The following DDR2 variants were observed in gnomAD, a reference collection of about 807,000 sequenced individuals.
The protein encoded by DDR2 is discoidin domain receptor tyrosine kinase 2, also known as discoidin domain-containing receptor 2.
Under a neutral mutation model 94.9 loss-of-function variants are expected in DDR2, and 27 were observed. The ratio of observed to expected loss-of-function variants is 0.28; its 90% CI spans 0.21 to 0.39. The LOEUF is 0.39. DDR2 is among the 10% of genes least tolerant of loss of function. DDR2 has a pLI of 1.00. For missense variants in DDR2, 783 were observed against 1,076.0 expected, an observed-to-expected ratio of 0.73 and a Z score of 3.81; for synonymous variants, 382 against 377.2, an observed-to-expected ratio of 1.01 and a Z score of -0.15.
intron 1 of DDR2, among the ~76,000 whole-genome samples, chr1:162,649,592 T>A (rs1338794894): frequency 6.6e-6 from 1 of 152,192 alleles, no homozygotes; most frequent in African/African-American, 2.4e-5. Context: ...ATTTCTCTAC[T>A]CTGCAATAAC....
intron 1 of DDR2, among the ~76,000 whole-genome samples, chr1:162,649,643 C>T (rs766703592): frequency 7.9e-5 from 12 of 152,156 alleles, no homozygotes; most frequent in African/African-American, 1.4e-4. Context: ...GAGAGTAGAG[C>T]GGACAGTGAC....
At chr1:162,767,795 G>A (rs1230820444) in intron 11 of DDR2, among the ~76,000 whole-genome samples, 4 of 66,028 alleles carry the variant, frequency 6.1e-5, no homozygotes, top group Admixed American at 1.6e-4. Context: ...TTTTCACTTT[G>A]CTTGTCTGTT....
intron 3 of DDR2, among the ~76,000 whole-genome samples, chr1:162,741,407 T>C (rs1327290246): frequency 6.7e-6 from 1 of 149,948 alleles, no homozygotes; most frequent in Non-Finnish European, 1.5e-5. Context: ...ATGCTGGTGT[T>C]CAAAAAGCAT....
chr1:162,681,905 T>C (rs1285089203), intron 2 of DDR2, among the ~76,000 whole-genome samples: 1 of 152,226 alleles, frequency 6.6e-6, no homozygotes, highest in African/African-American at 2.4e-5. Context: ...TAATTGTGTA[T>C]AGACTTTCAT....
chr1:162,763,801 T>C (rs1013971884), intron 9 of DDR2, among the ~76,000 whole-genome samples: 2 of 152,318 alleles, frequency 1.3e-5, no homozygotes, highest in Middle Eastern at 3.4e-3. Context: ...TGAGTTTACA[T>C]TGTTACTTCC....
chr1:162,696,852 G>A (rs567729513), intron 2 of DDR2, among the ~76,000 whole-genome samples: 5 of 152,216 alleles, frequency 3.3e-5, no homozygotes, highest in East Asian at 1.9e-4. Flanking sequence ...AAAGACCCCC[G>A]CTTGTCTGAC....
chr1:162,659,840 T>C (rs1658200999), intron 2 of DDR2, among the ~76,000 whole-genome samples: 1 of 152,234 alleles, frequency 6.6e-6, no homozygotes, highest in South Asian at 2.1e-4. Context: ...TTGATTGTTA[T>C]AGCTTATAAG....
At chr1:162,688,753 A>G (rs1269789182) in intron 2 of DDR2, among the ~76,000 whole-genome samples, 1 of 152,142 alleles carries the variant, frequency 6.6e-6, no homozygotes, top group African/African-American at 2.4e-5. Flanking sequence ...GAACTTAGCT[A>G]TTATTCTGCC....
chr1:162,702,408 A>G (rs1373388446), intron 2 of DDR2, among the ~76,000 whole-genome samples: 10 of 152,172 alleles, frequency 6.6e-5, no homozygotes, highest in African/African-American at 2.4e-4. Flanking sequence ...AAACAAGAAT[A>G]CCAACAATGT....
At position 162,754,818 on chromosome 1, in the gene DDR2, C is replaced by T. The variant is rs1298716106; in HGVS notation, c.380C>T (p.Thr127Ile). The T allele has an allele frequency of 1.9e-6, 3 of 1,614,088 alleles. No individual in the cohort carries two copies. Among genetic ancestry groups the T allele is most frequent in the Non-Finnish European group, 2.5e-6 (3 of 1,180,014 alleles). ...AAGATCAATTACAGTCGGGATGGCA[C>T]TCGCTGGATCTCTTGGCGGAACCGT... The part of the protein sequence containing the change: ...MYKINYSRDG[T>I]RWISWRNRHG... Residue 127 changes from threonine to isoleucine, a missense_variant, in exon 5 of 18, where the codon ACT becomes ATT. Thr to Ile is a moderately conservative substitution (Grantham distance 89). Around this residue, in one of 2 missense-constraint regions of DDR2, gnomAD observed 519 missense variants for 647.9 expected, o/e 0.80. Coordinates refer to ENST00000367921, the MANE Select transcript of DDR2 (RefSeq NM_006182.4).
At chr1:162,677,734 G>A (rs1484559523) in intron 2 of DDR2, among the ~76,000 whole-genome samples, 1 of 152,186 alleles carries the variant, frequency 6.6e-6, no homozygotes, top group Non-Finnish European at 1.5e-5. Flanking sequence ...TGAAAATGTG[G>A]AGGAGGTGTT....
chr1:162,638,298 G>A (rs919873479), intron 1 of DDR2, among the ~76,000 whole-genome samples: 2 of 152,212 alleles, frequency 1.3e-5, no homozygotes, highest in Non-Finnish European at 2.9e-5. Context: ...TGGGATTACA[G>A]GCATGAGCCA....
rs377763930 is a variant in DDR2 at position 162,728,009 on chromosome 1, T to C, written c.82+8864T>C. Among the ~76,000 whole-genome samples, 19 of 142,586 alleles carry C rather than the reference T, an allele frequency of 1.3e-4. No homozygotes were observed. The South Asian group carries it at 3.8e-3, about 29-fold the overall frequency. The allele number at this position is 142,586 out of a possible 152,430, so 93.5% of individuals were successfully genotyped here. On this transcript the variant is annotated intron_variant, in intron 3 of 17. Coordinates refer to ENST00000367921, the MANE Select transcript of DDR2 (RefSeq NM_006182.4). ...ATCACACTATATATATCTATATATA[T>C]ATAGATATAATCACACTATATATAT... is the stretch of plus-strand genomic sequence containing the variant.
At chr1:162,742,293 G>A (rs553921279) in intron 3 of DDR2, among the ~76,000 whole-genome samples, 1 of 152,354 alleles carries the variant, frequency 6.6e-6, no homozygotes, top group East Asian at 1.9e-4. Context: ...ACCCAAGACT[G>A]GTCAATTTAT....
At chr1:162,728,579 T>C (rs1661838794) in intron 3 of DDR2, among the ~76,000 whole-genome samples, 1 of 152,158 alleles carries the variant, frequency 6.6e-6, no homozygotes, top group South Asian at 2.1e-4. Context: ...CTTCACCTGG[T>C]GTTAACATAA....
intron 16 of DDR2, chr1:162,777,852 G>C (rs1201691664): frequency 6.6e-6 from 1 of 152,496 alleles, no homozygotes; most frequent in Admixed American, 6.5e-5. Flanking sequence ...CATTAATATG[G>C]TCACCCCTAG....
In DDR2 at chr1:162,753,049, A is replaced by C. The variant is rs183722215; in HGVS notation, c.83-46A>C. On this transcript the variant is annotated intron_variant, in intron 3 of 17. Transcript: ENST00000367921. ...TCTTCCTAGGGGGCTTGGAAATAAA[A>C]ATAAAACCATGTCCTCTCTTTTCTC... The C allele has an allele frequency of 1.8e-4, 280 of 1,536,764 alleles. 1 individual carries two copies. The African/African-American group carries it at 3.5e-3, about 19-fold the overall frequency.
At chr1:162,643,750 G>T (rs1049403878) in intron 1 of DDR2, among the ~76,000 whole-genome samples, 1 of 152,112 alleles carries the variant, frequency 6.6e-6, no homozygotes, top group Non-Finnish European at 1.5e-5. Flanking sequence ...CAAAGTGCTG[G>T]GATTACAGGT....
intron 2 of DDR2, among the ~76,000 whole-genome samples, chr1:162,680,271 C>T (rs1285834715): frequency 6.6e-6 from 1 of 152,140 alleles, no homozygotes; most frequent in African/African-American, 2.4e-5. Flanking sequence ...TTAGGTTTTA[C>T]ATTTAAGTCT....
Sources: gnomAD v4.1 joint callset for allele counts (sites outside exome capture counted in the v4.1 genomes callset) on GRCh38, gnomAD v4.1.1 for gene constraint, gnomAD v4.1.1 regional missense constraint, MANE v1.5 for transcripts, NCBI Gene and HGNC (gene_info 2026-07-23, HGNC 2026-07-21) for gene names.